The following DENND1A variants were observed in gnomAD, a reference collection of about 807,000 sequenced individuals.
The protein encoded by DENND1A is DENN domain containing 1A.
Under a neutral mutation model 113.7 loss-of-function variants are expected in DENND1A, and 51 were observed. That is an observed-to-expected ratio of 0.45 (90% CI 0.36 to 0.57). DENND1A has a LOEUF of 0.57. Among genes scored for constraint, DENND1A ranks in the 20% least tolerant of loss-of-function variants. The probability of loss-of-function intolerance (pLI) is 0.00; values close to 1 mark genes in which losing one functional copy is unlikely to be tolerated. For missense variants in DENND1A, 1,258 were observed against 1,395.9 expected (o/e 0.90, Z 1.57); for synonymous variants, 565 against 570.8 (o/e 0.99, Z 0.14).
At chr9:123,798,324 CCATT>C (rs1232741257) in intron 2 of DENND1A, 1 of 152,180 alleles carries the variant, frequency 6.6e-6, no homozygotes, top group Non-Finnish European at 1.5e-5. Flanking sequence ...ACATATTCTG[CCATT>C]CAGACATATC....
At chr9:123,666,355 T>A (rs777614537) in intron 8 of DENND1A, among the ~76,000 whole-genome samples, 3 of 152,226 alleles carry the variant, frequency 2.0e-5, no homozygotes, top group Non-Finnish European at 2.9e-5. Flanking sequence ...TTCAGCTTGT[T>A]CAGAAGGCAA....
At chr9:123,707,193 G>C (rs532652342) in intron 5 of DENND1A, among the ~76,000 whole-genome samples, 1 of 152,284 alleles carries the variant, frequency 6.6e-6, no homozygotes, top group South Asian at 2.1e-4. Flanking sequence ...TCAGGAGTTT[G>C]AGACCAGCCT....
At chr9:123,541,783 T>A (rs1304762242) in intron 13 of DENND1A, among the ~76,000 whole-genome samples, 1 of 152,216 alleles carries the variant, frequency 6.6e-6, no homozygotes, top group East Asian at 1.9e-4. Flanking sequence ...GACGAGTACT[T>A]CCCATCTGCC....
At chr9:123,901,962 C>T (rs564441859) in intron 1 of DENND1A, among the ~76,000 whole-genome samples, 11 of 152,038 alleles carry the variant, frequency 7.2e-5, no homozygotes, top group South Asian at 2.1e-4. Context: ...GCCCAGATCG[C>T]GCCACTGCAC....
intron 6 of DENND1A, among the ~76,000 whole-genome samples, chr9:123,672,115 C>A (rs1389784014): frequency 6.6e-6 from 1 of 152,216 alleles, no homozygotes; most frequent in East Asian, 1.9e-4. Context: ...AAAACTGAGG[C>A]TCCAAAAGGT....
chr9:123,603,500 C>T (rs1187790464), intron 11 of DENND1A, among the ~76,000 whole-genome samples: 1 of 152,108 alleles, frequency 6.6e-6, no homozygotes, highest in East Asian at 1.9e-4. Flanking sequence ...AAAAACCAGG[C>T]TTCTAGGGAC....
At position 123,452,307 on chromosome 9, in the gene DENND1A, G is replaced by C. The variant is rs745610336; in HGVS notation, c.1268C>G (p.Ala423Gly). The change falls in exon 17 of 24, where the codon GCA becomes GGA. Residue 423 changes from alanine to glycine, a missense_variant. This residue lies in a region of DENND1A where 1,159 missense variants were observed against 1,231.7 expected (regional missense o/e 0.94). Transcript: ENST00000394215. ...GTAGACAGTCTTCATGGCCGGATTT[G>C]CTTTGGTCTTTACAGTATTCAGAAT... ...GAILNTVKTKANPAMKTVYKF... is the reference protein window; with the variant it reads ...GAILNTVKTKGNPAMKTVYKF... 3.1e-6 allele frequency: 5 copies of C among 1,614,238 alleles called. No homozygotes were observed. The highest frequency in any genetic ancestry group is 3.4e-6 in the Non-Finnish European group (4 of 1,180,050).
At position 123,776,109 on chromosome 9, in the gene DENND1A, T is replaced by C. The variant is rs117557824; in HGVS notation, c.133-6546A>G. On this transcript the variant is annotated intron_variant, in intron 3 of 23. Coordinates refer to ENST00000394215, the MANE Select transcript of DENND1A (RefSeq NM_001352964.2). Reference sequence around the variant, plus strand: ...TGCCACCCCACAAAATCCATTCTAATTGTAAAAGATAAATGAATTCAGCAA... The same window carrying C: ...TGCCACCCCACAAAATCCATTCTAACTGTAAAAGATAAATGAATTCAGCAA... 8.4e-4 allele frequency among the ~76,000 whole-genome samples: 128 copies of C among 152,292 alleles called. 2 individuals are homozygous for C. The South Asian group carries it at 0.011, about 13-fold the overall frequency.
intron 9 of DENND1A, among the ~76,000 whole-genome samples, chr9:123,631,656 G>A (rs1271049651): frequency 6.6e-6 from 1 of 152,208 alleles, no homozygotes; most frequent in East Asian, 1.9e-4. Flanking sequence ...GGACTGAGGT[G>A]AGAATTTATT....
At chr9:123,750,203 T>C (rs946768336) in intron 5 of DENND1A, among the ~76,000 whole-genome samples, 1 of 152,218 alleles carries the variant, frequency 6.6e-6, no homozygotes, top group African/African-American at 2.4e-5. Context: ...GTTTCGGCTA[T>C]TTCTCTTTCT....
rs1464010743 is a variant in DENND1A, at chr9:123,610,946, T to C, written c.720-1465A>G. Among the ~76,000 whole-genome samples the C allele has an allele frequency of 2.0e-5, 3 of 152,204 alleles. No individual in the cohort carries two copies. In the East Asian group the frequency reaches 5.8e-4, roughly 29 times the overall value. On this transcript the variant is annotated intron_variant, in intron 10 of 23. Coordinates refer to ENST00000394215, the MANE Select transcript of DENND1A (RefSeq NM_001352964.2). Reference sequence around the variant, plus strand: ...AATAAGAAAGGACACAATTCCCTCATTACCATTCAACAAATAAAATTCAAG... The same window carrying C: ...AATAAGAAAGGACACAATTCCCTCACTACCATTCAACAAATAAAATTCAAG...
intron 2 of DENND1A, among the ~76,000 whole-genome samples, chr9:123,857,920 G>A (rs1286335779): frequency 4.6e-5 from 7 of 152,032 alleles, no homozygotes; most frequent in South Asian, 2.1e-4. Context: ...TTAGCTGGGC[G>A]TGGTGGCGGA....
At chr9:123,884,695 T>A (rs1476568993) in intron 1 of DENND1A, among the ~76,000 whole-genome samples, 2 of 152,096 alleles carry the variant, frequency 1.3e-5, no homozygotes, top group African/African-American at 4.8e-5. Flanking sequence ...GCACTTCACA[T>A]GCATTACCTC....
chr9:123,693,057 A>C (rs1052409823), intron 5 of DENND1A, among the ~76,000 whole-genome samples: 3 of 152,194 alleles, frequency 2.0e-5, no homozygotes, highest in African/African-American at 7.2e-5. Flanking sequence ...CTTTTTTAAA[A>C]ATCAACTTTG....
At chr9:123,829,328 T>C (rs1325217082) in intron 2 of DENND1A, among the ~76,000 whole-genome samples, 1 of 151,710 alleles carries the variant, frequency 6.6e-6, no homozygotes, top group Non-Finnish European at 1.5e-5. Context: ...ACACATGACA[T>C]GAAATAATAC....
chr9:123,743,128 G>C (rs1045126145), intron 5 of DENND1A, among the ~76,000 whole-genome samples: 1 of 152,158 alleles, frequency 6.6e-6, no homozygotes, highest in Non-Finnish European at 1.5e-5. Flanking sequence ...TCCTGAGCGA[G>C]GCATGGTGGC....
Position 123,445,116 on chromosome 9 carries a change from C to A in DENND1A, c.1357-4625G>T, listed in dbSNP as rs1220819710. ...CATGACTATGCTCTAACCTCCAGCC[C>A]TCTGAGAAGAAGGCAGGCACGGCAT... On this transcript the variant is annotated intron_variant, in intron 18 of 23. Transcript: ENST00000394215. 2.6e-5 allele frequency among the ~76,000 whole-genome samples: 4 copies of A among 152,206 alleles called. No homozygotes were observed. The East Asian group carries it at 5.8e-4, about 22-fold the overall frequency.
At chr9:123,525,568 G>C (rs1449653411) in intron 13 of DENND1A, among the ~76,000 whole-genome samples, 1 of 152,106 alleles carries the variant, frequency 6.6e-6, no homozygotes, top group Non-Finnish European at 1.5e-5. Flanking sequence ...ATAACTCACT[G>C]AACAATACCG....
intron 5 of DENND1A, among the ~76,000 whole-genome samples, chr9:123,691,632 T>A (rs1392377739): frequency 6.6e-6 from 1 of 151,772 alleles, no homozygotes; most frequent in Non-Finnish European, 1.5e-5. Context: ...GAGCCCAGCT[T>A]GTAAGAAATT....
Sources: gnomAD v4.1 joint callset for allele counts (sites outside exome capture counted in the v4.1 genomes callset) on GRCh38, gnomAD v4.1.1 for gene constraint, gnomAD v4.1.1 regional missense constraint, MANE v1.5 for transcripts, NCBI Gene and HGNC (gene_info 2026-07-23, HGNC 2026-07-21) for gene names.